The following ZFPM2 variants were observed in gnomAD, a reference collection of about 807,000 sequenced individuals.
ZFPM2 encodes the protein zinc finger protein, FOG family member 2.
ZFPM2 carries 20 observed loss-of-function variants against 98.6 expected under a neutral mutation model. That is an observed-to-expected ratio of 0.20 (90% confidence interval 0.14 to 0.29). The LOEUF is 0.29. Among genes scored for constraint, ZFPM2 ranks in the 10% least tolerant of loss-of-function variants. The probability of loss-of-function intolerance (pLI) is 1.00; values close to 1 mark genes in which losing one functional copy is unlikely to be tolerated. For missense variants in ZFPM2, 1,310 were observed against 1,388.6 expected, an observed-to-expected ratio of 0.94 and a Z score of 0.90; for synonymous variants, 518 against 502.7, an observed-to-expected ratio of 1.03 and a Z score of -0.41.
intron 2 of ZFPM2, among the ~76,000 whole-genome samples, chr8:105,428,679 T>C (rs1411564534): frequency 6.6e-6 from 1 of 152,142 alleles, no homozygotes; most frequent in African/African-American, 2.4e-5. Flanking sequence ...GTGAACTCTT[T>C]AAAATAGTTT....
Position 105,572,381 on chromosome 8 carries a change from A to G in ZFPM2, c.420+10900A>G, listed in dbSNP as rs1415189695. ...AGAGAATAATAAAGTAATATTTATTACATACTTTGGAAATTTGAGAAATTA... is the reference window on the plus strand; with the variant it reads ...AGAGAATAATAAAGTAATATTTATTGCATACTTTGGAAATTTGAGAAATTA... On this transcript the variant is annotated intron_variant, in intron 4 of 7. Coordinates refer to ENST00000407775, the MANE Select transcript of ZFPM2 (RefSeq NM_012082.4). Among the ~76,000 whole-genome samples, 3 of 152,246 alleles carry G rather than the reference A, an allele frequency of 2.0e-5. No homozygotes were observed. The East Asian group carries it at 5.8e-4, about 30-fold the overall frequency.
chr8:105,627,780 T>TGAAC (rs558352737), intron 4 of ZFPM2, among the ~76,000 whole-genome samples: 269 of 152,322 alleles, frequency 1.8e-3, no homozygotes, highest in African/African-American at 6.2e-3. Flanking sequence ...TTACGGGTTC[T>TGAAC]GTGTAGGAGT....
At chr8:105,791,052 T>G (rs1346195154) in intron 6 of ZFPM2, among the ~76,000 whole-genome samples, 1 of 152,210 alleles carries the variant, frequency 6.6e-6, no homozygotes, top group African/African-American at 2.4e-5. Flanking sequence ...ACAATTTGAC[T>G]TCCTCTTTTC....
At chr8:105,725,691 T>C (rs1224779116) in intron 5 of ZFPM2, among the ~76,000 whole-genome samples, 1 of 151,674 alleles carries the variant, frequency 6.6e-6, no homozygotes, top group African/African-American at 2.4e-5. Flanking sequence ...AGAAGCCAAT[T>C]CCTATGACTT....
intron 5 of ZFPM2, among the ~76,000 whole-genome samples, chr8:105,667,195 T>A (rs1388934474): frequency 6.6e-6 from 1 of 152,168 alleles, no homozygotes; most frequent in African/African-American, 2.4e-5. Flanking sequence ...AGTAAAGCTT[T>A]CAAGCAAAAA....
intron 4 of ZFPM2, among the ~76,000 whole-genome samples, chr8:105,615,937 G>A (rs1388024358): frequency 6.6e-6 from 1 of 152,054 alleles, no homozygotes; most frequent in Non-Finnish European, 1.5e-5. Context: ...AGTCATGGGG[G>A]ATTTTGCTTT....
chr8:105,535,668 A>G (rs1343777237), intron 3 of ZFPM2, among the ~76,000 whole-genome samples: 1 of 152,136 alleles, frequency 6.6e-6, no homozygotes, highest in Non-Finnish European at 1.5e-5. Flanking sequence ...GTTCTTGGAA[A>G]ATTATAGTGT....
intron 5 of ZFPM2, among the ~76,000 whole-genome samples, chr8:105,635,792 G>A (rs1816836674): frequency 1.3e-5 from 2 of 152,082 alleles, no homozygotes. Context: ...GGCAATACCT[G>A]GTCCCCATTT....
intron 5 of ZFPM2, among the ~76,000 whole-genome samples, chr8:105,637,849 T>G (rs536343360): frequency 6.1e-4 from 93 of 152,280 alleles, no homozygotes; most frequent in African/African-American, 2.2e-3. Flanking sequence ...AACTTGAAAC[T>G]CCACAATGTT....
At chr8:105,328,418 T>A (rs539221089) in intron 1 of ZFPM2, among the ~76,000 whole-genome samples, 1 of 151,942 alleles carries the variant, frequency 6.6e-6, no homozygotes, top group Admixed American at 6.6e-5. Context: ...ACAAAATATA[T>A]GTATATTTTA....
chr8:105,439,936 T>G (rs1812202866), intron 2 of ZFPM2, among the ~76,000 whole-genome samples: 1 of 151,822 alleles, frequency 6.6e-6, no homozygotes, highest in South Asian at 2.1e-4. Context: ...GATTCTAGCT[T>G]CCATGAAAAA....
intron 6 of ZFPM2, among the ~76,000 whole-genome samples, chr8:105,796,568 C>T (rs1813824113): frequency 6.6e-6 from 1 of 152,064 alleles, no homozygotes; most frequent in Non-Finnish European, 1.5e-5. Context: ...ACTATCCTTA[C>T]TTCCCTTTCA....
chr8:105,423,118 GT>G lies in ZFPM2; in HGVS notation c.199+3817del, dbSNP rs545496472. ...AAAGTTTCTAGTTATTATAAACCATGTGATTAAATAAGACCCAAATCACTCT... is the reference window on the plus strand; with the variant it reads ...AAAGTTTCTAGTTATTATAAACCATGGATTAAATAAGACCCAAATCACTCT... On this transcript the variant is annotated intron_variant, in intron 2 of 7. Coordinates refer to ENST00000407775, the MANE Select transcript of ZFPM2 (RefSeq NM_012082.4). Among the ~76,000 whole-genome samples, 10 of 152,216 alleles carry G rather than the reference GT, an allele frequency of 6.6e-5. No individual in the cohort carries two copies. The South Asian group carries it at 2.1e-3, about 32-fold the overall frequency.
chr8:105,319,267 C>T (rs1811972397), intron 1 of ZFPM2, among the ~76,000 whole-genome samples: 1 of 152,286 alleles, frequency 6.6e-6, no homozygotes, highest in African/African-American at 2.4e-5. Flanking sequence ...CCCGCGCACG[C>T]TGCGAGTCCC....
intron 4 of ZFPM2, among the ~76,000 whole-genome samples, chr8:105,567,706 G>C (rs1563723187): frequency 1.3e-5 from 2 of 152,170 alleles, no homozygotes; most frequent in South Asian, 4.1e-4. Context: ...AGAGGACATA[G>C]AATTATTTAA....
chr8:105,693,372 C>A (rs757676118), intron 5 of ZFPM2, among the ~76,000 whole-genome samples: 5 of 152,150 alleles, frequency 3.3e-5, no homozygotes, highest in Non-Finnish European at 5.9e-5. Flanking sequence ...GGACTTCTGA[C>A]AAGCAGCTGC....
intron 5 of ZFPM2, among the ~76,000 whole-genome samples, chr8:105,724,104 T>TA (rs776878835): frequency 3.8e-4 from 58 of 151,920 alleles, no homozygotes; most frequent in Middle Eastern, 3.4e-3. Context: ...TGACTTAGAT[T>TA]AAAAAAATCA....
intron 4 of ZFPM2, among the ~76,000 whole-genome samples, chr8:105,562,041 C>T (rs552668708): frequency 2.0e-5 from 3 of 152,232 alleles, no homozygotes; most frequent in East Asian, 3.9e-4. Context: ...CACAGTGGCT[C>T]ACTCTTGTAA....
chr8:105,396,496 G>A (rs1383616707), intron 1 of ZFPM2, among the ~76,000 whole-genome samples: 1 of 152,068 alleles, frequency 6.6e-6, no homozygotes, highest in Non-Finnish European at 1.5e-5. Context: ...TTGTGGCTGT[G>A]GGAATGAAGA....
Sources: allele counts gnomAD v4.1 joint callset (sites outside exome capture counted in the v4.1 genomes callset), GRCh38; gene constraint gnomAD v4.1.1; transcripts MANE v1.5; gene names NCBI Gene and HGNC (gene_info 2026-07-23, HGNC 2026-07-21).